The following REDIC1 variants were observed in gnomAD, a reference collection of about 807,000 sequenced individuals.
REDIC1 encodes the protein regulator of DNA class I crossover intermediates 1.
the REDIC1 span, chr12:39,759,845 C>T: frequency 1.8e-6 from 1 of 556,646 alleles, no homozygotes; most frequent in East Asian, 2.9e-5. Context: ...AATATTGTTC[C>T]TTGTGGAAAA....
At chr12:39,642,854 A>G in the REDIC1 span, among the ~76,000 whole-genome samples, 36 of 151,814 alleles carry the variant, frequency 2.4e-4, no homozygotes, top group African/African-American at 8.7e-4. Flanking sequence ...CAAGTCTGTT[A>G]TAGTTCTTAC....
At chr12:39,685,767 C>T in the REDIC1 span, among the ~76,000 whole-genome samples, 1 of 152,212 alleles carries the variant, frequency 6.6e-6, no homozygotes, top group East Asian at 1.9e-4. Flanking sequence ...CAAGGCAAGT[C>T]TCTTCCATCT....
chr12:39,782,305 G>A, the REDIC1 span, among the ~76,000 whole-genome samples: 17 of 152,226 alleles, frequency 1.1e-4, no homozygotes, highest in Non-Finnish European at 1.8e-4. Flanking sequence ...CCTACGTGTT[G>A]TGGAAGGTAC....
the REDIC1 span, chr12:39,692,238 C>A: frequency 1.1e-6 from 1 of 890,298 alleles, no homozygotes; most frequent in Non-Finnish European, 1.6e-6. Context: ...TATTTTAGTA[C>A]TACTAATGCA....
the REDIC1 span, among the ~76,000 whole-genome samples, chr12:39,713,786 TAC>T: frequency 2.0e-5 from 3 of 149,084 alleles, no homozygotes; most frequent in African/African-American, 7.3e-5. Context: ...TACGTAAATA[TAC>T]ATAGATGTAT....
the REDIC1 span, among the ~76,000 whole-genome samples, chr12:39,742,731 C>G: frequency 6.6e-6 from 1 of 152,140 alleles, no homozygotes; most frequent in Non-Finnish European, 1.5e-5. Context: ...AGTTTCTGGT[C>G]TAGCAGGTGA....
chr12:39,723,217 G>A, the REDIC1 span, among the ~76,000 whole-genome samples: 1 of 152,044 alleles, frequency 6.6e-6, no homozygotes, highest in Non-Finnish European at 1.5e-5. Flanking sequence ...ATTTTAACTG[G>A]TATCCTTTTA....
chr12:39,760,906 T>C, the REDIC1 span, among the ~76,000 whole-genome samples: 122,546 of 147,128 alleles, frequency 0.83, 50,738 homozygotes, highest in African/African-American at 0.84. Flanking sequence ...TTTAAAATAA[T>C]TGAATTCCGA....
At chr12:39,680,236 C>T in the REDIC1 span, among the ~76,000 whole-genome samples, 1 of 152,098 alleles carries the variant, frequency 6.6e-6, no homozygotes, top group African/African-American at 2.4e-5. Context: ...ATGCATCTGA[C>T]AAAGGACTAA....
chr12:39,797,274 G>A, the REDIC1 span, among the ~76,000 whole-genome samples: 1 of 152,182 alleles, frequency 6.6e-6, no homozygotes, highest in Admixed American at 6.5e-5. Context: ...TGTTTGCAAT[G>A]TAATTATCTT....
chr12:39,701,923 G>T, the REDIC1 span, among the ~76,000 whole-genome samples: 1 of 152,032 alleles, frequency 6.6e-6, no homozygotes, highest in South Asian at 2.1e-4. Flanking sequence ...CAGAATCTCT[G>T]GGACACATTT....
the REDIC1 span, among the ~76,000 whole-genome samples, chr12:39,770,472 G>C: frequency 6.6e-6 from 1 of 152,122 alleles, no homozygotes; most frequent in Non-Finnish European, 1.5e-5. Flanking sequence ...TTATGCATCA[G>C]ACATTAGCAA....
At chr12:39,821,784 A>G in the REDIC1 span, among the ~76,000 whole-genome samples, 3 of 152,188 alleles carry the variant, frequency 2.0e-5, no homozygotes, top group East Asian at 5.8e-4. Context: ...GCTCATGTGG[A>G]TAAGACTGAA....
chr12:39,712,559 G>A, the REDIC1 span, among the ~76,000 whole-genome samples: 5 of 135,174 alleles, frequency 3.7e-5, no homozygotes, highest in African/African-American at 1.4e-4. Context: ...CGACATATGT[G>A]TATATACGTA....
At chr12:39,699,141 G>A in the REDIC1 span, among the ~76,000 whole-genome samples, 50 of 152,284 alleles carry the variant, frequency 3.3e-4, no homozygotes, top group Non-Finnish European at 4.9e-4. Flanking sequence ...GAGGCCCAGC[G>A]TGAGCGACAC....
the REDIC1 span, among the ~76,000 whole-genome samples, chr12:39,884,321 AG>A: frequency 2.0e-5 from 3 of 152,186 alleles, no homozygotes; most frequent in Non-Finnish European, 4.4e-5. Flanking sequence ...TATAATCACA[AG>A]GAACTTACAC....
chr12:39,652,959 G>A, the REDIC1 span, among the ~76,000 whole-genome samples: 1 of 151,904 alleles, frequency 6.6e-6, no homozygotes, highest in African/African-American at 2.4e-5. Context: ...TCAAAGAAGT[G>A]TATTAGTCCA....
chr12:39,783,970 T>C, the REDIC1 span, among the ~76,000 whole-genome samples: 1 of 152,164 alleles, frequency 6.6e-6, no homozygotes, highest in Non-Finnish European at 1.5e-5. Flanking sequence ...GAACTCCCAT[T>C]CACAATTGCT....
the REDIC1 span, among the ~76,000 whole-genome samples, chr12:39,893,220 T>C: frequency 6.6e-6 from 1 of 152,238 alleles, no homozygotes; most frequent in Non-Finnish European, 1.5e-5. Flanking sequence ...AGCAACATTC[T>C]AAATGAATAC....
Sources: allele counts gnomAD v4.1 joint callset (sites outside exome capture counted in the v4.1 genomes callset), GRCh38; gene constraint gnomAD v4.1.1; transcripts MANE v1.5; gene names NCBI Gene and HGNC (gene_info 2026-07-23, HGNC 2026-07-21).